The following CHST11 variants were observed in gnomAD, a reference collection of about 807,000 sequenced individuals.
CHST11 encodes the protein C4S-1.
Under a neutral mutation model 30.4 loss-of-function variants are expected in CHST11, and 9 were observed. The ratio of observed to expected loss-of-function variants is 0.30; its 90% confidence interval spans 0.18 to 0.52. The LOEUF (loss-of-function observed/expected upper bound fraction) is 0.52. Ranked by LOEUF, CHST11 falls within the 20% of genes least tolerant of loss-of-function variation. The pLI, the probability that CHST11 is intolerant of heterozygous loss-of-function variation, is 0.97. For synonymous variants in CHST11, 152 were observed against 187.8 expected, an observed-to-expected ratio of 0.81 and a Z score of 1.56; for missense variants, 348 against 460.6, an observed-to-expected ratio of 0.76 and a Z score of 2.24.
intron 1 of CHST11, among the ~76,000 whole-genome samples, chr12:104,553,681 G>A (rs758889412): frequency 6.6e-6 from 1 of 152,012 alleles, no homozygotes; most frequent in Non-Finnish European, 1.5e-5. Context: ...AGCATGGGGG[G>A]AAATCTGCCC....
intron 1 of CHST11, among the ~76,000 whole-genome samples, chr12:104,599,584 T>C (rs994129821): frequency 2.6e-5 from 4 of 152,174 alleles, no homozygotes; most frequent in Non-Finnish European, 5.9e-5. Context: ...AAACACAACA[T>C]AGAATTTTTT....
At chr12:104,539,205 G>A (rs1592752304) in intron 1 of CHST11, among the ~76,000 whole-genome samples, 1 of 152,210 alleles carries the variant, frequency 6.6e-6, no homozygotes, top group Admixed American at 6.5e-5. Context: ...AGACTTTGGA[G>A]CACCACAGCC....
intron 1 of CHST11, among the ~76,000 whole-genome samples, chr12:104,539,162 T>C (rs192574294): frequency 1.3e-5 from 2 of 152,308 alleles, no homozygotes; most frequent in East Asian, 3.9e-4. Context: ...ATAACGCGAC[T>C]CTTCACTTTT....
intron 2 of CHST11, among the ~76,000 whole-genome samples, chr12:104,688,110 T>C (rs748926459): frequency 3.3e-5 from 5 of 152,226 alleles, no homozygotes; most frequent in African/African-American, 7.2e-5. Flanking sequence ...GGCATCCCTG[T>C]GTGCGCGTTA....
chr12:104,734,794 C>G (rs1201955832), intron 2 of CHST11, among the ~76,000 whole-genome samples: 1 of 152,180 alleles, frequency 6.6e-6, no homozygotes, highest in Non-Finnish European at 1.5e-5. Context: ...GGCAAAGTAA[C>G]AGCAAGAGAA....
intron 2 of CHST11, among the ~76,000 whole-genome samples, chr12:104,643,949 A>T (rs886096296): frequency 2.6e-5 from 4 of 152,102 alleles, no homozygotes; most frequent in African/African-American, 9.7e-5. Context: ...GAATTTTCTT[A>T]TTTCCTCTGG....
intron 1 of CHST11, among the ~76,000 whole-genome samples, chr12:104,478,080 C>A (rs2135958701): frequency 6.6e-6 from 1 of 152,216 alleles, no homozygotes; most frequent in Middle Eastern, 3.4e-3. Context: ...ACCCCCCTAA[C>A]AGGAAGTGGG....
intron 1 of CHST11, among the ~76,000 whole-genome samples, chr12:104,558,641 C>A (rs2038483206): frequency 2.0e-5 from 3 of 148,950 alleles, no homozygotes; most frequent in South Asian, 2.2e-4. Context: ...TGGGTTCAAG[C>A]AATTCTCCTG....
Position 104,721,752 on chromosome 12 carries a change from A to G in CHST11, c.205-35197A>G, listed in dbSNP as rs568792681. On this transcript the variant is annotated intron_variant, in intron 2 of 2. Coordinates refer to ENST00000303694, the MANE Select transcript of CHST11 (RefSeq NM_018413.6). ...ATCGTTTCACTGAAAGAACCACTAT[A>G]AATACTCCATGATAAGTCAGATTTC... Among the ~76,000 whole-genome samples the G allele has an allele frequency of 3.9e-5, 6 of 152,348 alleles. No individual in the cohort carries two copies. In the South Asian group the frequency reaches 1.2e-3, roughly 32 times the overall value.
At chr12:104,740,245 C>G (rs897947741) in intron 2 of CHST11, among the ~76,000 whole-genome samples, 7 of 152,196 alleles carry the variant, frequency 4.6e-5, no homozygotes, top group African/African-American at 1.7e-4. Context: ...GGGTCACTCA[C>G]TTCTTTTTAG....
intron 2 of CHST11, among the ~76,000 whole-genome samples, chr12:104,606,096 A>G (rs535155508): frequency 3.3e-4 from 45 of 138,084 alleles, no homozygotes; most frequent in Non-Finnish European, 6.2e-4. Context: ...AGCAGATCCA[A>G]TTGTTCTAGG....
rs548563378 is a variant in CHST11, at chr12:104,561,831, G to T, written c.119-40075G>T. 1.0e-4 allele frequency among the ~76,000 whole-genome samples: 15 copies of T among 148,954 alleles called. No individual in the cohort carries two copies. The South Asian group carries it at 2.8e-3, about 28-fold the overall frequency. ...TTTTGAGACAGAGTCTCACTCAGTC[G>T]CCAGGCTGGAGTGCAGTGGTGTGAT... On this transcript the variant is annotated intron_variant, in intron 1 of 2. Coordinates refer to ENST00000303694, the MANE Select transcript of CHST11 (RefSeq NM_018413.6).
intron 2 of CHST11, among the ~76,000 whole-genome samples, chr12:104,688,469 C>G (rs1005410452): frequency 2.0e-5 from 3 of 152,132 alleles, no homozygotes; most frequent in Admixed American, 2.0e-4. Context: ...AGCCCCTGAG[C>G]CTACTGAACT....
rs555556848 is a variant in CHST11 at position 104,559,336 on chromosome 12, C to T, written c.119-42570C>T. Among the ~76,000 whole-genome samples the T allele has an allele frequency of 7.9e-5, 12 of 152,382 alleles. No homozygotes were observed. In the East Asian group the frequency reaches 1.7e-3, roughly 22 times the overall value. Reference sequence around the variant, plus strand: ...CATCCATTCACTTCTCAAGTACTTACTGAGCACCTACTATGTGCCAGCCTT... The same window carrying T: ...CATCCATTCACTTCTCAAGTACTTATTGAGCACCTACTATGTGCCAGCCTT... On this transcript the variant is annotated intron_variant, in intron 1 of 2. Transcript: ENST00000303694.
At chr12:104,672,712 T>C (rs2039707350) in intron 2 of CHST11, among the ~76,000 whole-genome samples, 1 of 152,228 alleles carries the variant, frequency 6.6e-6, no homozygotes, top group South Asian at 2.1e-4. Context: ...TGGGCAGCCT[T>C]CTTGGCTGGA....
intron 1 of CHST11, among the ~76,000 whole-genome samples, chr12:104,489,832 T>C (rs2037728312): frequency 6.6e-6 from 1 of 152,246 alleles, no homozygotes; most frequent in Non-Finnish European, 1.5e-5. Context: ...CAACTATCAC[T>C]GGCTGATTTT....
rs141995236 is a variant in CHST11, at chr12:104,498,005, C to T, written c.118+40476C>T. Among the ~76,000 whole-genome samples, 1,507 of 150,496 alleles carry T rather than the reference C, an allele frequency of 0.01. 37 individuals are homozygous for T. The East Asian group carries it at 0.12, about 12-fold the overall frequency. ...TGAGATCTTGGCTCACTGCAACCTC[C>T]GCCTCCCGGTTCAAGCAATTCTCGT... On this transcript the variant is annotated intron_variant, in intron 1 of 2. Coordinates refer to ENST00000303694, the MANE Select transcript of CHST11 (RefSeq NM_018413.6).
chr12:104,534,517 G>A (rs143826031), intron 1 of CHST11, among the ~76,000 whole-genome samples: 9 of 152,326 alleles, frequency 5.9e-5, no homozygotes, highest in African/African-American at 1.9e-4. Context: ...TTTGCTTAGT[G>A]ACTTTTGAAT....
chr12:104,517,069 C>T lies in CHST11; in HGVS notation c.118+59540C>T, dbSNP rs111479200. ...ATCCTCTCCATCATAGCTGTTACTG[C>T]CACTTAAAGATGAAGGAAGAGCCTT... On this transcript the variant is annotated intron_variant, in intron 1 of 2. Coordinates refer to ENST00000303694, the MANE Select transcript of CHST11 (RefSeq NM_018413.6). Among the ~76,000 whole-genome samples the T allele has an allele frequency of 5.0e-3, 756 of 152,256 alleles. 9 individuals are homozygous for T. The highest frequency in any genetic ancestry group is 0.017 in the African/African-American group (716 of 41,546).
Sources: gnomAD v4.1 joint callset for allele counts (sites outside exome capture counted in the v4.1 genomes callset) on GRCh38, gnomAD v4.1.1 for gene constraint, MANE v1.5 for transcripts, NCBI Gene and HGNC (gene_info 2026-07-23, HGNC 2026-07-21) for gene names.